Variants in RARB observed in about 807,000 individuals in gnomAD.
RARB encodes HBV-activated protein.
Under a neutral mutation model 51.9 loss-of-function variants are expected in RARB, and 17 were observed. The observed-to-expected ratio is 0.33, with a 90% confidence interval of 0.22 to 0.49. The LOEUF (loss-of-function observed/expected upper bound fraction) is 0.49, where lower values mean the gene tolerates loss of function less well. Among genes scored for constraint, RARB ranks in the 20% least tolerant of loss-of-function variants. The probability of loss-of-function intolerance (pLI) is 0.99; values close to 1 mark genes in which losing one functional copy is unlikely to be tolerated. For synonymous variants in RARB, 215 were observed against 195.4 expected, an observed-to-expected ratio of 1.10 and a Z score of -0.84; for missense variants, 369 against 550.8, an observed-to-expected ratio of 0.67 and a Z score of 3.30.
intron 4 of RARB, among the ~76,000 whole-genome samples, chr3:25,158,382 C>G (rs987457497): frequency 5.3e-5 from 8 of 152,328 alleles, no homozygotes; most frequent in Middle Eastern, 3.4e-3. Context: ...CTTATAATCT[C>G]TCCCATAAAT....
chr3:25,275,038 A>T (rs1575276381), intron 5 of RARB, among the ~76,000 whole-genome samples: 1 of 152,160 alleles, frequency 6.6e-6, no homozygotes, highest in South Asian at 2.1e-4. Context: ...ACTGTTTTTT[A>T]AAAAAGATCT....
intron 5 of RARB, among the ~76,000 whole-genome samples, chr3:25,315,410 G>T (rs536527869): frequency 3.9e-5 from 6 of 152,250 alleles, no homozygotes; most frequent in African/African-American, 1.2e-4. Flanking sequence ...CATGTACACA[G>T]TTTGCTAGCA....
At chr3:25,007,605 C>CAAAAAAGAAGAAAAAAAAAAAAAAAA (rs1697302924) in intron 2 of RARB, among the ~76,000 whole-genome samples, 1 of 60,640 alleles carries the variant, frequency 1.6e-5, no homozygotes, top group African/African-American at 5.8e-5. Context: ...AAAAAAAAAA[C>CAAAAAAGAAGAAAAAAAAAAAAAAAA]AAAAAAACCT....
chr3:25,440,132 T>C (rs1708600711), intron 1 of RARB, among the ~76,000 whole-genome samples: 1 of 152,232 alleles, frequency 6.6e-6, no homozygotes. Flanking sequence ...AGATTGTTTT[T>C]ACATATATAC....
At chr3:25,127,846 A>G (rs1245869525) in intron 3 of RARB, among the ~76,000 whole-genome samples, 1 of 152,122 alleles carries the variant, frequency 6.6e-6, no homozygotes, top group Non-Finnish European at 1.5e-5. Flanking sequence ...ATATATACAT[A>G]TATTTTTACG....
At chr3:25,056,951 A>G (rs1209549832) in intron 2 of RARB, among the ~76,000 whole-genome samples, 1 of 152,034 alleles carries the variant, frequency 6.6e-6, no homozygotes, top group Non-Finnish European at 1.5e-5. Context: ...CTTGAAGTAA[A>G]CCATATGGTT....
At chr3:24,931,183 C>T (rs1695431237) in intron 2 of RARB, among the ~76,000 whole-genome samples, 2 of 151,876 alleles carry the variant, frequency 1.3e-5, no homozygotes, top group African/African-American at 2.4e-5. Context: ...CTAGGGAGAG[C>T]CATTGGTTCA....
chr3:25,460,939 A>G (rs900774834), intron 1 of RARB, among the ~76,000 whole-genome samples: 1 of 152,140 alleles, frequency 6.6e-6, no homozygotes, highest in African/African-American at 2.4e-5. Flanking sequence ...GATAAAAACC[A>G]TGGCCCTCAC....
chr3:25,150,726 A>G (rs969073243), intron 4 of RARB, among the ~76,000 whole-genome samples: 6 of 152,230 alleles, frequency 3.9e-5, no homozygotes, highest in Non-Finnish European at 7.3e-5. Context: ...CCAGGAAAGA[A>G]CTTCTTTGAA....
At chr3:25,372,612 A>C (rs1706333909) in intron 5 of RARB, among the ~76,000 whole-genome samples, 1 of 152,214 alleles carries the variant, frequency 6.6e-6, no homozygotes, top group African/African-American at 2.4e-5. Context: ...GCTTTAGCCC[A>C]GGAGTCTGAG....
Position 25,596,326 on chromosome 3 carries a change from C to T in RARB, c.1151-94C>T, listed in dbSNP as rs139651233. 1.1e-4 allele frequency: 115 copies of T among 1,011,450 alleles called. No individual in the cohort carries two copies. The African/African-American group carries it at 1.6e-3, about 14-fold the overall frequency. 62.7% of individuals were successfully genotyped at this position (1,011,450 alleles called of 1,614,324 possible). ...ATTCCTAAGCAAGAATCTTAGGAAA[C>T]ACCTCTGTTAAAATATATGAAAATT... On this transcript the variant is annotated intron_variant, in intron 7 of 7. Coordinates refer to ENST00000330688, the MANE Select transcript of RARB (RefSeq NM_000965.5).
At chr3:25,446,975 T>C (rs1708974545) in intron 1 of RARB, among the ~76,000 whole-genome samples, 2 of 151,858 alleles carry the variant, frequency 1.3e-5, no homozygotes, top group African/African-American at 4.8e-5. Context: ...TTAACTTCTC[T>C]AAGCTTCAGT....
At chr3:25,360,507 T>C (rs1705897400) in intron 5 of RARB, among the ~76,000 whole-genome samples, 1 of 152,228 alleles carries the variant, frequency 6.6e-6, no homozygotes, top group Non-Finnish European at 1.5e-5. Context: ...GTGAATTTGA[T>C]CCTGTAATTA....
intron 2 of RARB, among the ~76,000 whole-genome samples, chr3:24,891,772 C>T (rs1703381968): frequency 6.6e-6 from 1 of 152,008 alleles, no homozygotes; most frequent in Admixed American, 6.6e-5. Flanking sequence ...GTTAAACATC[C>T]TAGAGTAGAT....
intron 5 of RARB, among the ~76,000 whole-genome samples, chr3:25,346,822 C>A (rs12497123): frequency 0.19 from 28,521 of 152,132 alleles, 3,387 homozygotes; most frequent in Admixed American, 0.31. Context: ...AAACAGCAAA[C>A]CCTCAATTTT....
intron 5 of RARB, among the ~76,000 whole-genome samples, chr3:25,415,181 A>G (rs953013536): frequency 1.3e-5 from 2 of 152,208 alleles, no homozygotes; most frequent in African/African-American, 4.8e-5. Context: ...GAGTCTTCCA[A>G]AGAATAGAAG....
chr3:25,319,206 C>T (rs1704500033), intron 5 of RARB, among the ~76,000 whole-genome samples: 1 of 152,170 alleles, frequency 6.6e-6, no homozygotes, highest in Admixed American at 6.5e-5. Flanking sequence ...AGGGAAGTGA[C>T]ATGCATGTTT....
chr3:25,145,841 CAA>C (rs60947334), intron 4 of RARB, among the ~76,000 whole-genome samples: 1 of 151,604 alleles, frequency 6.6e-6, no homozygotes, highest in African/African-American at 2.4e-5. Context: ...ACTAAAAATA[CAA>C]AAAAAAATAT....
intron 5 of RARB, among the ~76,000 whole-genome samples, chr3:25,380,698 G>T (rs1414162896): frequency 6.6e-6 from 1 of 152,146 alleles, no homozygotes; most frequent in Non-Finnish European, 1.5e-5. Flanking sequence ...AGATGAAGAA[G>T]AATGTTGATA....
Sources: allele counts gnomAD v4.1 joint callset (sites outside exome capture counted in the v4.1 genomes callset), GRCh38; gene constraint gnomAD v4.1.1; transcripts MANE v1.5; gene names NCBI Gene and HGNC (gene_info 2026-07-23, HGNC 2026-07-21).